Variants in CPNE4 observed in about 807,000 individuals in gnomAD.
The protein encoded by CPNE4 is copine 4, also known as copine-4.
Under a neutral mutation model 67.9 loss-of-function variants are expected in CPNE4, and 25 were observed. The observed-to-expected ratio is 0.37, with a 90% confidence interval of 0.27 to 0.51. CPNE4 has a LOEUF of 0.51. Ranked by LOEUF, CPNE4 falls within the 20% of genes least tolerant of loss-of-function variation. The probability of loss-of-function intolerance (pLI) is 0.93; values close to 1 mark genes in which losing one functional copy is unlikely to be tolerated. For synonymous variants in CPNE4, 242 were observed against 244.9 expected, an observed-to-expected ratio of 0.99 and a Z score of 0.11; for missense variants, 464 against 690.8, an observed-to-expected ratio of 0.67 and a Z score of 3.68.
rs13066670 is a variant in CPNE4, at chr3:131,948,010, C to T, written c.-1-42566G>A. On this transcript the variant is annotated intron_variant, in intron 1 of 15. Transcript: ENST00000429747. ...TTTTCACAATATTAAGTCTTTCACT[C>T]TGTGAACATGGGGTGTCTTTCTATT... is the stretch of plus-strand genomic sequence containing the variant. Among the ~76,000 whole-genome samples, 1,185 of 152,184 alleles carry T rather than the reference C, an allele frequency of 7.8e-3. 9 individuals are homozygous for T. The highest frequency in any genetic ancestry group is 0.014 in the Non-Finnish European group (918 of 67,976).
intron 12 of CPNE4, among the ~76,000 whole-genome samples, chr3:131,552,798 G>T (rs1188390802): frequency 6.6e-6 from 1 of 152,074 alleles, no homozygotes; most frequent in East Asian, 1.9e-4. Flanking sequence ...ATAGCTGCTA[G>T]TTAGAACTGG....
intron 1 of CPNE4, among the ~76,000 whole-genome samples, chr3:131,919,922 C>CAA (rs2070696240): frequency 6.6e-6 from 1 of 152,098 alleles, no homozygotes; most frequent in African/African-American, 2.4e-5. Context: ...AGAGATAAGG[C>CAA]AAAAGCTAAG....
intron 2 of CPNE4, among the ~76,000 whole-genome samples, chr3:131,810,709 G>T (rs978996454): frequency 2.0e-5 from 3 of 152,148 alleles, no homozygotes; most frequent in South Asian, 2.1e-4. Flanking sequence ...ATTGAAATTC[G>T]GATCTGGAAG....
chr3:131,955,723 T>A (rs1358983971), intron 1 of CPNE4, among the ~76,000 whole-genome samples: 1 of 152,126 alleles, frequency 6.6e-6, no homozygotes, highest in African/African-American at 2.4e-5. Flanking sequence ...AAAGTTCCCA[T>A]AAGCAGAGGG....
chr3:132,008,761 T>C (rs73871562), intron 1 of CPNE4, among the ~76,000 whole-genome samples: 3,943 of 152,274 alleles, frequency 0.026, 182 homozygotes, highest in African/African-American at 0.09. Flanking sequence ...TGTTTTTTTT[T>C]CTTAAAAAAA....
chr3:131,809,197 A>C (rs921237979), intron 2 of CPNE4, among the ~76,000 whole-genome samples: 9 of 152,280 alleles, frequency 5.9e-5, no homozygotes, highest in African/African-American at 2.2e-4. Context: ...AAAAAGTAGA[A>C]GAGAGAAGCT....
At chr3:131,711,874 C>T (rs564379335) in intron 3 of CPNE4, among the ~76,000 whole-genome samples, 18 of 152,262 alleles carry the variant, frequency 1.2e-4, no homozygotes, top group Admixed American at 2.6e-4. Context: ...ATTTGTTCTT[C>T]GTGCCCCAAG....
At chr3:131,712,048 C>A (rs1029805448) in intron 3 of CPNE4, among the ~76,000 whole-genome samples, 19 of 152,178 alleles carry the variant, frequency 1.2e-4, no homozygotes, top group Admixed American at 2.0e-4. Flanking sequence ...ATGCCTCCCC[C>A]AAAAGGATTT....
intron 1 of CPNE4, among the ~76,000 whole-genome samples, chr3:131,915,842 A>G (rs1015888979): frequency 6.6e-6 from 1 of 152,322 alleles, no homozygotes; most frequent in Non-Finnish European, 1.5e-5. Context: ...CTGGCCTTAC[A>G]ATTTTGACTC....
intron 3 of CPNE4, among the ~76,000 whole-genome samples, chr3:131,707,380 C>T (rs1308096543): frequency 6.6e-6 from 1 of 152,162 alleles, no homozygotes; most frequent in Non-Finnish European, 1.5e-5. Context: ...CTCTGTGTCG[C>T]TAGAATTGGG....
At chr3:131,816,012 T>C (rs1322395244) in intron 2 of CPNE4, among the ~76,000 whole-genome samples, 1 of 152,204 alleles carries the variant, frequency 6.6e-6, no homozygotes, top group Non-Finnish European at 1.5e-5. Flanking sequence ...GTTCTTCCCA[T>C]AGTTAGCTTG....
intron 1 of CPNE4, among the ~76,000 whole-genome samples, chr3:131,946,042 G>T (rs1223256164): frequency 6.6e-6 from 1 of 152,130 alleles, no homozygotes; most frequent in Non-Finnish European, 1.5e-5. Context: ...ACATTACATA[G>T]AAACCATTTT....
At chr3:131,949,646 C>T (rs2071661812) in intron 1 of CPNE4, among the ~76,000 whole-genome samples, 1 of 152,106 alleles carries the variant, frequency 6.6e-6, no homozygotes, top group African/African-American at 2.4e-5. Context: ...TCAATAAGTT[C>T]TACCTTATGA....
intron 6 of CPNE4, among the ~76,000 whole-genome samples, chr3:131,675,560 T>A (rs1229344330): frequency 2.0e-5 from 3 of 152,186 alleles, no homozygotes; most frequent in African/African-American, 7.2e-5. Context: ...GATCATTATA[T>A]AATTTTTTTC....
At chr3:131,638,089 C>A (rs1210156155) in intron 7 of CPNE4, among the ~76,000 whole-genome samples, 1 of 150,768 alleles carries the variant, frequency 6.6e-6, no homozygotes, top group Non-Finnish European at 1.5e-5. Flanking sequence ...CTCCTTAAAG[C>A]ATATTTCTCA....
chr3:131,960,088 CGAGAGAGG>C (rs1583518820), intron 1 of CPNE4, among the ~76,000 whole-genome samples: 1 of 144,320 alleles, frequency 6.9e-6, no homozygotes, highest in African/African-American at 2.7e-5. Context: ...GTGAGATAAG[CGAGAGAGG>C]GAGAGAGGAA....
At chr3:131,863,236 G>A (rs539147845) in intron 2 of CPNE4, among the ~76,000 whole-genome samples, 2 of 152,116 alleles carry the variant, frequency 1.3e-5, no homozygotes, top group Non-Finnish European at 2.9e-5. Flanking sequence ...TAATGGGATG[G>A]CTGGGTCAAA....
At chr3:131,554,334 T>G (rs973933743) in intron 12 of CPNE4, among the ~76,000 whole-genome samples, 1 of 152,142 alleles carries the variant, frequency 6.6e-6, no homozygotes. Context: ...ACCAGAAATC[T>G]GACATTTTAT....
At chr3:131,839,131 A>G (rs972092062) in intron 2 of CPNE4, among the ~76,000 whole-genome samples, 28 of 151,968 alleles carry the variant, frequency 1.8e-4, no homozygotes, top group Non-Finnish European at 3.7e-4. Flanking sequence ...GTAAAAAAAA[A>G]TCTGAGGTGA....
Sources: allele counts gnomAD v4.1 joint callset (sites outside exome capture counted in the v4.1 genomes callset), GRCh38; gene constraint gnomAD v4.1.1; transcripts MANE v1.5; gene names NCBI Gene and HGNC (gene_info 2026-07-23, HGNC 2026-07-21).